Variants in DIP2C observed in about 807,000 individuals in gnomAD.
DIP2C encodes disco-interacting protein 2 homolog C.
In DIP2C, 33 loss-of-function variants were observed where a neutral mutation model predicts 192.4. The observed-to-expected ratio is 0.17, with a 90% CI of 0.13 to 0.23. The LOEUF (loss-of-function observed/expected upper bound fraction) is 0.23, where lower values mean the gene tolerates loss of function less well. Among genes scored for constraint, DIP2C ranks in the 10% least tolerant of loss-of-function variants. The pLI is 1.00. For synonymous variants in DIP2C, 979 were observed against 864.1 expected (o/e 1.13, Z -2.33); for missense variants, 1,537 against 2,110.1 (o/e 0.73, Z 5.32).
At chr10:367,247 C>A (rs1381062321) in intron 18 of DIP2C, among the ~76,000 whole-genome samples, 1 of 152,096 alleles carries the variant, frequency 6.6e-6, no homozygotes, top group Non-Finnish European at 1.5e-5. Flanking sequence ...GAAACCCCGT[C>A]TCTACTAAAA....
intron 18 of DIP2C, among the ~76,000 whole-genome samples, chr10:368,821 GAA>G (rs1314874525): frequency 2.6e-5 from 4 of 152,224 alleles, no homozygotes; most frequent in African/African-American, 9.6e-5. Flanking sequence ...TCCCAGCTGA[GAA>G]AAGAGACGGG....
At chr10:617,478 G>A (rs990680146) in intron 1 of DIP2C, among the ~76,000 whole-genome samples, 3 of 152,144 alleles carry the variant, frequency 2.0e-5, no homozygotes, top group African/African-American at 2.4e-5. Flanking sequence ...TAGCCGTGTT[G>A]CCCTTGATGG....
chr10:590,495 G>A (rs1345187836), intron 1 of DIP2C, among the ~76,000 whole-genome samples: 4 of 152,188 alleles, frequency 2.6e-5, no homozygotes, highest in African/African-American at 9.7e-5. Context: ...GTATCTTACG[G>A]CATATCGACA....
intron 1 of DIP2C, among the ~76,000 whole-genome samples, chr10:507,374 C>T (rs769182250): frequency 4.0e-5 from 6 of 150,738 alleles, no homozygotes; most frequent in Non-Finnish European, 7.4e-5. Flanking sequence ...CAGAGCTGTG[C>T]GAGGTTACAG....
At chr10:384,271 C>CTTTTTTTT (rs35461394) in intron 15 of DIP2C, 125 bp from the exon 16 acceptor site, 11 of 301,958 alleles carry the variant, frequency 3.6e-5, no homozygotes, top group East Asian at 1.5e-4. Context: ...CCCCACAAAC[C>CTTTTTTTT]TTTTTTTTTT....
At chr10:389,345 T>C (rs1963269379) in intron 13 of DIP2C, among the ~76,000 whole-genome samples, 1 of 152,040 alleles carries the variant, frequency 6.6e-6, no homozygotes, top group African/African-American at 2.4e-5. Flanking sequence ...CCCTCCCCTC[T>C]CTGTGCCATT....
intron 1 of DIP2C, among the ~76,000 whole-genome samples, chr10:524,459 A>G (rs1033729422): frequency 2.0e-5 from 3 of 152,210 alleles, no homozygotes; most frequent in Non-Finnish European, 4.4e-5. Context: ...ATGTAAATAT[A>G]TACATGCTTA....
intron 32 of DIP2C, among the ~76,000 whole-genome samples, chr10:299,716 T>C (rs76963492): frequency 1.3e-5 from 2 of 151,878 alleles, no homozygotes; most frequent in Admixed American, 6.6e-5. Flanking sequence ...ACCCAGGAAA[T>C]GAAAGCAAGA....
intron 1 of DIP2C, among the ~76,000 whole-genome samples, chr10:683,900 T>TCCAA (rs926857012): frequency 1.3e-5 from 2 of 152,208 alleles, no homozygotes; most frequent in African/African-American, 2.4e-5. Flanking sequence ...ACTCACAGAA[T>TCCAA]CCAACCGCTT....
intron 1 of DIP2C, among the ~76,000 whole-genome samples, chr10:586,291 C>T (rs775570027): frequency 1.2e-4 from 19 of 152,214 alleles, no homozygotes; most frequent in Non-Finnish European, 2.6e-4. Context: ...TCAGGGCCAT[C>T]TGACCTGGCT....
chr10:556,429 G>A (rs376347789), intron 1 of DIP2C, among the ~76,000 whole-genome samples: 1 of 136,854 alleles, frequency 7.3e-6, no homozygotes, highest in African/African-American at 2.8e-5. Context: ...ACCTCAGAGT[G>A]TCATCACGCA....
chr10:427,667 G>T (rs1966679787), intron 4 of DIP2C, among the ~76,000 whole-genome samples: 1 of 152,186 alleles, frequency 6.6e-6, no homozygotes, highest in Admixed American at 6.5e-5. Flanking sequence ...CACATTAAAA[G>T]ATGCTTAGCA....
intron 32 of DIP2C, among the ~76,000 whole-genome samples, chr10:307,064 C>T (rs1262218336): frequency 2.6e-5 from 4 of 152,196 alleles, no homozygotes; most frequent in Non-Finnish European, 4.4e-5. Context: ...CCTCCCACCA[C>T]GTGATCTCTG....
At position 636,486 on chromosome 10, in the gene DIP2C, C is replaced by G. The variant is rs1372708069; in HGVS notation, c.85+53008G>C. ...TGGAGCCAGTTGAAGGTGACAGGCT[C>G]CTGCCACCTCGCCGAGTCCTCACGC... is the stretch of plus-strand genomic sequence containing the variant. On this transcript the variant is annotated intron_variant, in intron 1 of 36. Coordinates refer to ENST00000280886, the MANE Select transcript of DIP2C (RefSeq NM_014974.3). The surrounding 1 kb of genome is among the most constrained non-coding windows in gnomAD (Gnocchi z 4.6). 6.6e-6 allele frequency among the ~76,000 whole-genome samples: 1 copy of G among 152,146 alleles called. No homozygotes were observed. Among genetic ancestry groups the G allele is most frequent in the Non-Finnish European group, 1.5e-5 (1 of 68,026 alleles).
rs530638090 is a variant in DIP2C, at chr10:300,081, C to T, written c.3986+9950G>A. 1.3e-4 allele frequency among the ~76,000 whole-genome samples: 20 copies of T among 152,284 alleles called. No homozygotes were observed. The East Asian group carries it at 3.3e-3, about 25-fold the overall frequency. On this transcript the variant is annotated intron_variant, in intron 32 of 36. Transcript: ENST00000280886. ...CTGGCGGGAAGGTAAAACAATGCAG[C>T]GGCTGTGGAAAACAGTATGGCAGTT...
chr10:488,779 G>A (rs1216234981), intron 1 of DIP2C, among the ~76,000 whole-genome samples: 2 of 152,198 alleles, frequency 1.3e-5, no homozygotes, highest in Admixed American at 6.5e-5. Context: ...ACTGTTCATG[G>A]TTTATTTGTA....
At chr10:588,710 C>G (rs994791926) in intron 1 of DIP2C, among the ~76,000 whole-genome samples, 1 of 152,202 alleles carries the variant, frequency 6.6e-6, no homozygotes, top group African/African-American at 2.4e-5. Flanking sequence ...CTCCAGCTGC[C>G]GTCCCGCAGG....
chr10:287,340 G>C (rs1177916652), intron 33 of DIP2C, among the ~76,000 whole-genome samples: 2 of 152,158 alleles, frequency 1.3e-5, no homozygotes, highest in African/African-American at 2.4e-5. Flanking sequence ...TGGAAATCCT[G>C]AATATAGCCT....
chr10:463,465 A>T (rs1350371300), intron 3 of DIP2C, among the ~76,000 whole-genome samples: 1 of 152,230 alleles, frequency 6.6e-6, no homozygotes. Flanking sequence ...TTCAAGGAGA[A>T]CTATAAACCA....
Sources: gnomAD v4.1 joint callset for allele counts (sites outside exome capture counted in the v4.1 genomes callset) on GRCh38, gnomAD v4.1.1 for gene constraint, Gnocchi (gnomAD v3.1) non-coding constraint, MANE v1.5 for transcripts, NCBI Gene and HGNC (gene_info 2026-07-23, HGNC 2026-07-21) for gene names.